Variants in NRG1 observed in about 807,000 individuals in gnomAD.
NRG1 encodes the protein pro-neuregulin-1, membrane-bound isoform.
A neutral mutation model predicts 63.8 loss-of-function variants in NRG1; 18 were observed. The observed-to-expected ratio is 0.28, with a 90% CI of 0.19 to 0.42. The LOEUF (loss-of-function observed/expected upper bound fraction) is 0.42. Among genes scored for constraint, NRG1 ranks in the 10% least tolerant of loss-of-function variants. The pLI is 1.00. For synonymous variants in NRG1, 302 were observed against 301.3 expected, an observed-to-expected ratio of 1.00 and a Z score of -0.02; for missense variants, 762 against 814.7, an observed-to-expected ratio of 0.94 and a Z score of 0.79.
intron 1 of NRG1, among the ~76,000 whole-genome samples, chr8:32,189,225 T>A (rs1315241212): frequency 1.3e-5 from 2 of 152,200 alleles, no homozygotes. Context: ...TTCCTGCTTT[T>A]GCCCCCTTCC....
intron 1 of NRG1, among the ~76,000 whole-genome samples, chr8:32,347,475 C>T (rs554030731): frequency 2.0e-5 from 3 of 152,266 alleles, no homozygotes; most frequent in East Asian, 1.9e-4. Context: ...CTCACCTGCA[C>T]CTCACACAGT....
At chr8:32,457,398 T>A (rs1821736729) in intron 1 of NRG1, among the ~76,000 whole-genome samples, 1 of 152,200 alleles carries the variant, frequency 6.6e-6, no homozygotes, top group South Asian at 2.1e-4. Flanking sequence ...TTGGTTCCTT[T>A]CCTAGAGCAC....
At chr8:32,588,090 T>A (rs1841937956) in intron 1 of NRG1, among the ~76,000 whole-genome samples, 2 of 151,730 alleles carry the variant, frequency 1.3e-5, no homozygotes, top group African/African-American at 2.4e-5. Flanking sequence ...CTTGGCTAAT[T>A]TTTGTATTTT....
chr8:31,651,248 G>A (rs62506869), intron 1 of NRG1, among the ~76,000 whole-genome samples: 34,257 of 152,068 alleles, frequency 0.23, 4,529 homozygotes, highest in East Asian at 0.57. Flanking sequence ...ATTTGCATTC[G>A]CTGGCATCGT....
chr8:31,906,390 G>A, intron 1 of NRG1, among the ~76,000 whole-genome samples: 1 of 152,264 alleles, frequency 6.6e-6, no homozygotes, highest in Middle Eastern at 3.4e-3. Flanking sequence ...TACGATGTAG[G>A]AGGGACAATA....
chr8:32,641,246 C>T (rs537605967), intron 5 of NRG1, among the ~76,000 whole-genome samples: 2 of 151,752 alleles, frequency 1.3e-5, no homozygotes, highest in Non-Finnish European at 2.9e-5. Context: ...GCCATATTGC[C>T]TATTGATACT....
intron 1 of NRG1, among the ~76,000 whole-genome samples, chr8:32,156,905 C>T (rs57248317): frequency 0.011 from 1,634 of 152,220 alleles, 24 homozygotes; most frequent in African/African-American, 0.035. Flanking sequence ...CCACTGTAGT[C>T]CAGCCTGGTC....
chr8:32,367,782 T>G (rs1172726793), intron 1 of NRG1, among the ~76,000 whole-genome samples: 1 of 152,192 alleles, frequency 6.6e-6, no homozygotes, highest in Non-Finnish European at 1.5e-5. Flanking sequence ...CCCTCTTTTC[T>G]TCTGTAGCTT....
chr8:32,195,433 T>C (rs1842864824), intron 1 of NRG1, among the ~76,000 whole-genome samples: 1 of 80,610 alleles, frequency 1.2e-5, no homozygotes, highest in Admixed American at 1.6e-4. Flanking sequence ...AGTGAGACCC[T>C]GTCTCAAAAA....
At position 32,007,007 on chromosome 8, in the gene NRG1, A is replaced by G. The variant is rs555811766; in HGVS notation, c.37+367576A>G. Among the ~76,000 whole-genome samples, 11 of 152,124 alleles carry G rather than the reference A, an allele frequency of 7.2e-5. No individual in the cohort carries two copies. In the South Asian group the frequency reaches 1.5e-3, roughly 20 times the overall value. ...ATTTTGAGATGTCAAAGAGGATCCC[A>G]TTCTGGTGTTTGATATTTCAGAGTG... On this transcript the variant is annotated intron_variant, in intron 1 of 10. Coordinates refer to the NRG1 transcript ENST00000519301.
intron 1 of NRG1, among the ~76,000 whole-genome samples, chr8:31,762,118 A>G (rs1817623703): frequency 6.6e-6 from 1 of 152,200 alleles, no homozygotes; most frequent in Non-Finnish European, 1.5e-5. Flanking sequence ...AACAGGGTAC[A>G]TGTGCAGAAC....
chr8:32,771,304 T>C (rs1831772510), downstream of NRG1, among the ~76,000 whole-genome samples: 1 of 98,686 alleles, frequency 1.0e-5, no homozygotes, highest in South Asian at 3.7e-4. Context: ...TTTTTTTTTT[T>C]TGGTAGGGAC....
In NRG1 at chr8:31,943,912, C is replaced by G. The variant is rs920832095; in HGVS notation, c.37+304481C>G. 3.3e-5 allele frequency among the ~76,000 whole-genome samples: 5 copies of G among 152,192 alleles called. No homozygotes were observed. In the South Asian group the frequency reaches 1.0e-3, roughly 31 times the overall value. ...TCACAGTTTGATTTCAATCCTCTCA[C>G]ATTTTGTGAGGTGGCTGTTTATACC... is the stretch of plus-strand genomic sequence containing the variant. On this transcript the variant is annotated intron_variant, in intron 1 of 10. Transcript: ENST00000519301.
At chr8:31,707,718 TTCTA>T (rs1220797476) in intron 1 of NRG1, among the ~76,000 whole-genome samples, 5 of 152,176 alleles carry the variant, frequency 3.3e-5, no homozygotes, top group Non-Finnish European at 5.9e-5. Context: ...TCTCTTGGTA[TTCTA>T]TCTTTTTCAT....
In NRG1 at chr8:32,723,496, A is replaced by G. The variant is rs144395677; in HGVS notation, c.503-4453A>G. On this transcript the variant is annotated intron_variant, in intron 5 of 11. Coordinates refer to ENST00000356819, the Ensembl canonical transcript of NRG1. ...AGAGATGGAAACCATCCTGGCCAACATGGTGAAACCCCCTCTCTACTAAAA... is the reference window on the plus strand; with the variant it reads ...AGAGATGGAAACCATCCTGGCCAACGTGGTGAAACCCCCTCTCTACTAAAA... 3.7e-3 allele frequency among the ~76,000 whole-genome samples: 561 copies of G among 151,886 alleles called. 2 individuals carry two copies. The highest frequency in any genetic ancestry group is 0.017 in the Middle Eastern group (5 of 294).
chr8:31,651,527 G>T (rs1288632085), intron 1 of NRG1, among the ~76,000 whole-genome samples: 3 of 152,068 alleles, frequency 2.0e-5, no homozygotes, highest in Non-Finnish European at 4.4e-5. Flanking sequence ...TTTTCAGGGG[G>T]GTGGCAGCAG....
chr8:32,241,912 C>T (rs1848138218), intron 1 of NRG1, among the ~76,000 whole-genome samples: 1 of 151,896 alleles, frequency 6.6e-6, no homozygotes, highest in Non-Finnish European at 1.5e-5. Flanking sequence ...GTCCCAGGTG[C>T]CCAGCTATTT....
At chr8:31,851,216 G>C (rs1827181985) in intron 1 of NRG1, among the ~76,000 whole-genome samples, 1 of 152,168 alleles carries the variant, frequency 6.6e-6, no homozygotes, top group Non-Finnish European at 1.5e-5. Flanking sequence ...ATTAAAAAAT[G>C]ATTTTCTTTT....
intron 5 of NRG1, among the ~76,000 whole-genome samples, chr8:32,685,027 A>T (rs1038641324): frequency 6.6e-6 from 1 of 152,206 alleles, no homozygotes; most frequent in African/African-American, 2.4e-5. Context: ...CAATGGTAAC[A>T]TTCTGCAAAA....
Sources: allele counts gnomAD v4.1 joint callset (sites outside exome capture counted in the v4.1 genomes callset), GRCh38; gene constraint gnomAD v4.1.1; transcripts MANE v1.5; gene names NCBI Gene and HGNC (gene_info 2026-07-23, HGNC 2026-07-21).